CDC14B: variants seen among roughly 807,000 people sequenced by gnomAD.
CDC14B encodes dual specificity protein phosphatase CDC14B.
In CDC14B, 22 loss-of-function variants were observed where a neutral mutation model predicts 64.2. The observed-to-expected ratio is 0.34, with a 90% confidence interval of 0.24 to 0.49. CDC14B has a LOEUF of 0.49. Ranked by LOEUF, CDC14B falls within the 20% of genes least tolerant of loss-of-function variation. The pLI, the probability that CDC14B is intolerant of heterozygous loss-of-function variation, is 0.99. For missense variants in CDC14B, 498 were observed against 629.9 expected (o/e 0.79, Z 2.24); for synonymous variants, 191 against 215.8 (o/e 0.89, Z 1.01).
rs879165722 is a variant in CDC14B at position 96,611,531 on chromosome 9, T to G, written c.160+7688A>C. On this transcript the variant is annotated intron_variant, in intron 1 of 13. Coordinates refer to ENST00000375241, the MANE Select transcript of CDC14B (RefSeq NM_033331.4). The stretch of plus-strand genomic sequence containing the variant: ...CTTATAACAATGTTAATGTGAAGGA[T>G]TTACTTAGGTTATACAAATATTCAG... Among the ~76,000 whole-genome samples, 4 of 152,168 alleles carry G rather than the reference T, an allele frequency of 2.6e-5. No homozygotes were observed. In the South Asian group the frequency reaches 8.3e-4, roughly 32 times the overall value.
chr9:96,557,242 T>TGTGAG (rs1842615852), intron 4 of CDC14B, among the ~76,000 whole-genome samples: 1 of 152,242 alleles, frequency 6.6e-6, no homozygotes, highest in Non-Finnish European at 1.5e-5. Context: ...TGAGGGCCTG[T>TGTGAG]GCCGTCCCTT....
intron 12 of CDC14B, 25 bp from the exon 13 acceptor site, chr9:96,509,814 G>A (rs749527009): frequency 7.1e-7 from 1 of 1,412,338 alleles, no homozygotes; most frequent in South Asian, 1.2e-5. Flanking sequence ...AAAAAAATAA[G>A]ATTATATTCA....
At chr9:96,563,140 G>T (rs1587982668) in intron 3 of CDC14B, among the ~76,000 whole-genome samples, 1 of 152,102 alleles carries the variant, frequency 6.6e-6, no homozygotes, top group South Asian at 2.1e-4. Context: ...AAATAAAAAG[G>T]TATACAGAAT....
At chr9:96,562,605 T>A in intron 4 of CDC14B, 88 bp downstream of exon 4, 6 of 871,460 alleles carry the variant, frequency 6.9e-6, no homozygotes, top group Non-Finnish European at 9.6e-6. Flanking sequence ...AATCAAGACA[T>A]TATCTTGATT....
intron 4 of CDC14B, among the ~76,000 whole-genome samples, chr9:96,554,606 A>C (rs1176722596): frequency 2.6e-5 from 4 of 152,250 alleles, no homozygotes. Context: ...ACTGTAATTT[A>C]AAAATCCAGT....
At chr9:96,566,700 G>C (rs1844014004) in intron 1 of CDC14B, 2 of 1,488,166 alleles carry the variant, frequency 1.3e-6, no homozygotes, top group Admixed American at 3.8e-5. Context: ...CTCCAAGCCA[G>C]CACTGCCCGC....
At chr9:96,592,282 T>A (rs1845835877) in intron 1 of CDC14B, among the ~76,000 whole-genome samples, 1 of 152,016 alleles carries the variant, frequency 6.6e-6, no homozygotes, top group Admixed American at 6.6e-5. Context: ...CTCACTATGT[T>A]GCCCAGGCTG....
rs1833453981 is a variant in CDC14B at position 96,500,383 on chromosome 9, C to G, written c.*3370G>C. On this transcript the variant is annotated 3_prime_UTR_variant, in exon 14 of 14. Transcript: ENST00000375241. ...AAATCAAGACAATGATTGATCAATA[C>G]TGATCAGTTACATTTTAAAACTTTT... The G allele has an allele frequency of 6.6e-6, 1 of 152,524 alleles. No individual in the cohort carries two copies. 9.4% of individuals were successfully genotyped at this position (152,524 alleles called of 1,614,324 possible). A position where few individuals can be genotyped will look rare whatever the true frequency, so the allele number is the denominator to read the frequency against.
rs1386418211 is a variant in CDC14B at position 96,504,455 on chromosome 9, C to T, written c.1461-666G>A. Among the ~76,000 whole-genome samples, 6 of 152,164 alleles carry T rather than the reference C, an allele frequency of 3.9e-5. No homozygotes were observed. The South Asian group carries it at 1.0e-3, about 26-fold the overall frequency. ...CACTTCCAATCTGGAGGGCTCCTCG[C>T]CCGATGCTGCTGCTGCTGCGCTCTT... On this transcript the variant is annotated intron_variant, in intron 13 of 13. Transcript: ENST00000375241.
chr9:96,534,004 G>A lies in CDC14B; in HGVS notation c.869C>T (p.Thr290Ile), dbSNP rs146918567. 595 of 1,612,948 alleles carry A rather than the reference G, an allele frequency of 3.7e-4. No individual in the cohort carries two copies. The highest frequency in any genetic ancestry group is 4.6e-4 in the Non-Finnish European group (542 of 1,179,360). ...TTCTTTGACAATGGCATCAGTAGGG[G>A]TGCTGCCATCCGCAAAGAAAAGATC... ...HHDLFFADGS[T>I]PTDAIVKEFL... Residue 290 changes from threonine (T) to isoleucine (I), a missense_variant, in exon 9 of 14, where the codon ACC (threonine) becomes ATC (isoleucine). Transcript: ENST00000375241.
At chr9:96,509,463 G>A (rs1461169967) in intron 13 of CDC14B, among the ~76,000 whole-genome samples, 1 of 152,170 alleles carries the variant, frequency 6.6e-6, no homozygotes, top group Admixed American at 6.5e-5. Context: ...CCAGTGTTGA[G>A]AATTACTTCT....
intron 9 of CDC14B, among the ~76,000 whole-genome samples, chr9:96,533,428 TGCTGA>T (rs940682786): frequency 6.6e-5 from 10 of 152,262 alleles, no homozygotes; most frequent in African/African-American, 2.4e-4. Flanking sequence ...CCCCAAGGCT[TGCTGA>T]GCTTTTTTTC....
intron 1 of CDC14B, among the ~76,000 whole-genome samples, chr9:96,599,544 T>A (rs550636580): frequency 1.1e-3 from 175 of 152,318 alleles, no homozygotes; most frequent in African/African-American, 3.9e-3. Context: ...TGCAATGTAG[T>A]GTCCTGGACT....
chr9:96,545,639 GATA>G (rs1381287613), intron 5 of CDC14B, among the ~76,000 whole-genome samples: 1 of 151,620 alleles, frequency 6.6e-6, no homozygotes, highest in East Asian at 1.9e-4. Context: ...TTAACCTACT[GATA>G]ATCTTTTCCA....
intron 1 of CDC14B, among the ~76,000 whole-genome samples, chr9:96,611,091 G>C (rs1161144730): frequency 8.5e-6 from 1 of 118,112 alleles, no homozygotes; most frequent in African/African-American, 3.1e-5. Context: ...AAAAGCTATA[G>C]AAAAAAAAAA....
intron 1 of CDC14B, among the ~76,000 whole-genome samples, chr9:96,572,615 G>A (rs751203623): frequency 6.6e-6 from 1 of 152,070 alleles, no homozygotes; most frequent in Non-Finnish European, 1.5e-5. Context: ...ATGGTCAATA[G>A]CATATGAAAA....
At chr9:96,524,260 T>C (rs1456743257) in intron 9 of CDC14B, among the ~76,000 whole-genome samples, 1 of 152,204 alleles carries the variant, frequency 6.6e-6, no homozygotes, top group Non-Finnish European at 1.5e-5. Context: ...AATTTAGATT[T>C]AACTGGTATG....
At chr9:96,521,367 C>A (rs567867414) in intron 12 of CDC14B, among the ~76,000 whole-genome samples, 27 of 152,328 alleles carry the variant, frequency 1.8e-4, no homozygotes, top group African/African-American at 6.0e-4. Context: ...GCATGAGCCA[C>A]CACACCTGGC....
intron 1 of CDC14B, among the ~76,000 whole-genome samples, chr9:96,581,682 G>A (rs1345339496): frequency 4.6e-5 from 7 of 151,996 alleles, no homozygotes; most frequent in African/African-American, 1.7e-4. Flanking sequence ...GAACGTGTTG[G>A]TGTTAGTCCA....
Sources: allele counts gnomAD v4.1 joint callset (sites outside exome capture counted in the v4.1 genomes callset), GRCh38; gene constraint gnomAD v4.1.1; transcripts MANE v1.5; gene names NCBI Gene and HGNC (gene_info 2026-07-23, HGNC 2026-07-21).